Variants in TRIM71 observed in about 807,000 individuals in gnomAD.
TRIM71 encodes the protein E3 ubiquitin-protein ligase TRIM71.
In TRIM71, 9 loss-of-function variants were observed where a neutral mutation model predicts 61.2. That is an observed-to-expected ratio of 0.15 (90% CI 0.09 to 0.26). TRIM71 has a LOEUF of 0.26. Ranked by LOEUF, TRIM71 falls within the 10% of genes least tolerant of loss-of-function variation. The pLI is 1.00. For missense variants in TRIM71, 998 were observed against 1,238.7 expected, an observed-to-expected ratio of 0.81 and a Z score of 2.92; for synonymous variants, 645 against 553.2, an observed-to-expected ratio of 1.17 and a Z score of -2.33.
intron 2 of TRIM71, among the ~76,000 whole-genome samples, chr3:32,883,765 GATTGTTCTGCTA>G (rs1015562914): frequency 2.6e-5 from 4 of 152,300 alleles, no homozygotes; most frequent in South Asian, 4.1e-4. Context: ...AAAATTTATA[GATTGTTCTGCTA>G]ATTGTTCTGC....
chr3:32,823,925 A>G (rs1276982511), intron 1 of TRIM71, among the ~76,000 whole-genome samples: 1 of 151,710 alleles, frequency 6.6e-6, no homozygotes, highest in African/African-American at 2.4e-5. Context: ...TACAACAAAA[A>G]TTAGCCAGGC....
chr3:32,860,988 A>G (rs1020521398), intron 1 of TRIM71, among the ~76,000 whole-genome samples: 3 of 151,772 alleles, frequency 2.0e-5, no homozygotes, highest in Non-Finnish European at 4.4e-5. Flanking sequence ...CAGCCTGGCC[A>G]ACATGCTGAA....
intron 1 of TRIM71, among the ~76,000 whole-genome samples, chr3:32,873,063 T>TCTC: frequency 1.2e-5 from 1 of 83,630 alleles, no homozygotes; most frequent in African/African-American, 4.6e-5. Context: ...TTCTCTCTCT[T>TCTC]CCTCCCTCCC....
chr3:32,859,526 G>A (rs1171699541), intron 1 of TRIM71, among the ~76,000 whole-genome samples: 1 of 152,176 alleles, frequency 6.6e-6, no homozygotes, highest in Non-Finnish European at 1.5e-5. Context: ...CCAAAGTGTT[G>A]AGATTACAGG....
intron 1 of TRIM71, among the ~76,000 whole-genome samples, chr3:32,850,732 G>A (rs183804802): frequency 7.6e-4 from 116 of 152,334 alleles, no homozygotes; most frequent in Admixed American, 1.8e-3. Flanking sequence ...CTGCTAAGCA[G>A]GGTATCTTGA....
chr3:32,860,375 C>G (rs373226140), intron 1 of TRIM71, among the ~76,000 whole-genome samples: 8 of 152,088 alleles, frequency 5.3e-5, no homozygotes, highest in Admixed American at 1.3e-4. Flanking sequence ...AGGCCGGTCT[C>G]GAACTCCTGA....
chr3:32,889,577 T>C (rs1697000655), intron 3 of TRIM71, among the ~76,000 whole-genome samples: 1 of 147,620 alleles, frequency 6.8e-6, no homozygotes, highest in African/African-American at 2.5e-5. Flanking sequence ...TTATTATTAT[T>C]ATTATTATTA....
chr3:32,874,253 C>T (rs1696829383), intron 2 of TRIM71, among the ~76,000 whole-genome samples: 1 of 152,148 alleles, frequency 6.6e-6, no homozygotes, highest in African/African-American at 2.4e-5. Context: ...CACCCAGCCA[C>T]CTCCCGAAAT....
chr3:32,896,049 TC>T lies in TRIM71; in HGVS notation c.*4243del, dbSNP rs1165521925. On this transcript the variant is annotated 3_prime_UTR_variant, in exon 4 of 4. Coordinates refer to ENST00000383763, the MANE Select transcript of TRIM71 (RefSeq NM_001039111.3). The stretch of plus-strand genomic sequence containing the variant: ...AAGTAGTTCTTAGCAATCTGGCTTT[TC>T]CCCCTCAAAAAGAATTATGCATACC... The T allele has an allele frequency of 6.6e-6, 1 of 152,180 alleles. No individual in the cohort carries two copies. Among genetic ancestry groups the T allele is most frequent in the Non-Finnish European group, 1.5e-5 (1 of 68,032 alleles). The allele number at this position is 152,180 out of a possible 1,614,324, so 9.4% of individuals were successfully genotyped here.
chr3:32,877,404 A>AT (rs77945008), intron 2 of TRIM71, among the ~76,000 whole-genome samples: 18,478 of 145,390 alleles, frequency 0.13, 2,670 homozygotes, highest in African/African-American at 0.36. Flanking sequence ...GCGCCTGGCC[A>AT]TTTTTTTTTT....
intron 1 of TRIM71, among the ~76,000 whole-genome samples, chr3:32,846,131 A>G (rs1358586529): frequency 1.5e-5 from 2 of 136,498 alleles, no homozygotes; most frequent in Admixed American, 1.6e-4. Context: ...GCTGGAGTGC[A>G]GTGGCGCGAT....
chr3:32,872,357 T>C (rs942374960), intron 1 of TRIM71, among the ~76,000 whole-genome samples: 1 of 152,178 alleles, frequency 6.6e-6, no homozygotes, highest in Non-Finnish European at 1.5e-5. Context: ...TTCTGTGTGC[T>C]TGAGTGAACC....
Position 32,818,611 on chromosome 3 carries a change from C to T in TRIM71, c.531C>T (p.Ser177=), listed in dbSNP as rs1311816173. The change falls in exon 1 of 4, where the codon TCC becomes TCT. Residue 177 remains serine (S), a synonymous_variant. Coordinates refer to ENST00000383763, the MANE Select transcript of TRIM71 (RefSeq NM_001039111.3). ...LPQAPQPPAP[S]RSAPGGPAAS... is the part of the protein sequence containing the mutation. ...AGGCGCCGCAGCCGCCCGCGCCTTC[C>T]CGCTCGGCACCCGGCGGCCCTGCCG... is the stretch of plus-strand genomic sequence containing the variant. 4 of 1,396,958 alleles carry T rather than the reference C, an allele frequency of 2.9e-6. No homozygotes were observed. The highest frequency in any genetic ancestry group is 3.7e-6 in the Non-Finnish European group (4 of 1,083,276). The allele number at this position is 1,396,958 out of a possible 1,614,324, so 86.5% of individuals were successfully genotyped here.
At position 32,895,593 on chromosome 3, in the gene TRIM71, C is replaced by T. The variant is rs748424231; in HGVS notation, c.*3782C>T. 3 of 151,928 alleles carry T rather than the reference C, an allele frequency of 2.0e-5. No individual in the cohort carries two copies. Among genetic ancestry groups the T allele is most frequent in the Non-Finnish European group, 4.4e-5 (3 of 67,980 alleles). The allele number at this position is 151,928 out of a possible 1,614,324, so 9.4% of individuals were successfully genotyped here. On this transcript the variant is annotated 3_prime_UTR_variant, in exon 4 of 4. Transcript: ENST00000383763. ...TTTTTCTGATCTTATTTTTTTAATC[C>T]AGTGGTGCCAAAAAGTATTTAGGGT...
At chr3:32,870,233 G>T (rs2125687933) in intron 1 of TRIM71, among the ~76,000 whole-genome samples, 1 of 152,226 alleles carries the variant, frequency 6.6e-6, no homozygotes, top group East Asian at 1.9e-4. Context: ...TTAGCTGGAA[G>T]GTTTATAAAA....
In TRIM71 at chr3:32,855,179, G is replaced by A. The variant is rs540820390; in HGVS notation, c.853-18639G>A. On this transcript the variant is annotated intron_variant, in intron 1 of 3. Transcript: ENST00000383763. ...CAGGCATCCACTGGGGGTCTTGGAC[G>A]TATCCCCCAAGGATAAGAGGGAACT... Among the ~76,000 whole-genome samples, 88 of 152,278 alleles carry A rather than the reference G, an allele frequency of 5.8e-4. 1 individual carries two copies. The highest frequency in any genetic ancestry group is 2.0e-3 in the African/African-American group (82 of 41,568).
At chr3:32,829,650 G>T (rs1385044926) in intron 1 of TRIM71, among the ~76,000 whole-genome samples, 1 of 151,074 alleles carries the variant, frequency 6.6e-6, no homozygotes, top group African/African-American at 2.4e-5. Context: ...GTGTGTGTGT[G>T]TTTGTGTGTG....
chr3:32,818,002 C>A lies in TRIM71; in HGVS notation c.-79C>A. ...TTTTTCTGAGTGAGTCGGTGACTCCCCCACCCACCTCGTCCGCTCTCTCCT... is the reference window on the plus strand; with the variant it reads ...TTTTTCTGAGTGAGTCGGTGACTCCACCACCCACCTCGTCCGCTCTCTCCT... On this transcript the variant is annotated 5_prime_UTR_variant, in exon 1 of 4. Coordinates refer to ENST00000383763, the MANE Select transcript of TRIM71 (RefSeq NM_001039111.3). The A allele has an allele frequency of 7.3e-7, 1 of 1,370,690 alleles. No homozygotes were observed. Among genetic ancestry groups the A allele is most frequent in the Non-Finnish European group, 1.0e-6 (1 of 979,764 alleles). The allele number at this position is 1,370,690 out of a possible 1,614,324, so 84.9% of individuals were successfully genotyped here. A position where few individuals can be genotyped will look rare whatever the true frequency, so the allele number is the denominator to read the frequency against.
chr3:32,882,060 G>T (rs1696914508), intron 2 of TRIM71, among the ~76,000 whole-genome samples: 1 of 152,230 alleles, frequency 6.6e-6, no homozygotes, highest in African/African-American at 2.4e-5. Flanking sequence ...GATAAGCCTG[G>T]CTAGGAGACT....
Sources: allele counts gnomAD v4.1 joint callset (sites outside exome capture counted in the v4.1 genomes callset), GRCh38; gene constraint gnomAD v4.1.1; transcripts MANE v1.5; gene names NCBI Gene and HGNC (gene_info 2026-07-23, HGNC 2026-07-21).